WWOX: variants seen among roughly 807,000 people sequenced by gnomAD.
WWOX encodes WW domain containing oxidoreductase.
Under a neutral mutation model 46.2 loss-of-function variants are expected in WWOX, and 69 were observed. The ratio of observed to expected loss-of-function variants is 1.49; its 90% CI spans 1.23 to 1.82. The LOEUF is 1.82. Among genes scored for constraint, WWOX ranks in the 40% most tolerant of loss-of-function variants. The pLI, the probability that WWOX is intolerant of heterozygous loss-of-function variation, is 0.00. For missense variants in WWOX, 919 were observed against 542.6 expected (o/e 1.69, Z -6.89); for synonymous variants, 359 against 202.6 (o/e 1.77, Z -6.56).
chr16:78,556,693 A>G (rs2044305170), intron 8 of WWOX, among the ~76,000 whole-genome samples: 1 of 152,088 alleles, frequency 6.6e-6, no homozygotes, highest in Non-Finnish European at 1.5e-5. Context: ...TTTCCCTGAG[A>G]CCGGCAAACA....
chr16:78,454,883 A>C (rs74028004), intron 8 of WWOX, among the ~76,000 whole-genome samples: 18,293 of 152,100 alleles, frequency 0.12, 1,708 homozygotes, highest in African/African-American at 0.25. Flanking sequence ...TATTGGTTTC[A>C]CCACCCCGCT....
chr16:78,874,149 G>C (rs1471230634), intron 8 of WWOX, among the ~76,000 whole-genome samples: 1 of 151,544 alleles, frequency 6.6e-6, no homozygotes, highest in African/African-American at 2.4e-5. Flanking sequence ...CCAGCTACTC[G>C]AGTGGCTGAG....
intron 8 of WWOX, among the ~76,000 whole-genome samples, chr16:78,647,646 T>C (rs2046875197): frequency 6.6e-6 from 1 of 152,240 alleles, no homozygotes; most frequent in Non-Finnish European, 1.5e-5. Flanking sequence ...TACTGAGTGC[T>C]GACAGGCACA....
At chr16:78,301,443 G>A (rs2080039795) in intron 5 of WWOX, among the ~76,000 whole-genome samples, 1 of 151,912 alleles carries the variant, frequency 6.6e-6, no homozygotes, top group South Asian at 2.1e-4. Flanking sequence ...CTTTCATTGA[G>A]GAAACTTATT....
intron 8 of WWOX, among the ~76,000 whole-genome samples, chr16:78,905,612 T>C (rs2044942078): frequency 6.6e-6 from 1 of 152,094 alleles, no homozygotes; most frequent in Non-Finnish European, 1.5e-5. Flanking sequence ...AACTCCGAGA[T>C]GCACGTGAAT....
intron 8 of WWOX, among the ~76,000 whole-genome samples, chr16:78,682,528 A>T (rs1354402677): frequency 6.6e-6 from 1 of 152,060 alleles, no homozygotes; most frequent in Non-Finnish European, 1.5e-5. Context: ...GGCTGCAACG[A>T]CTTACGATCA....
chr16:78,186,533 G>A (rs1036960043), intron 5 of WWOX, among the ~76,000 whole-genome samples: 7 of 152,182 alleles, frequency 4.6e-5, no homozygotes, highest in African/African-American at 1.7e-4. Flanking sequence ...GGAGGCTGAG[G>A]CAGGTGGATC....
At chr16:78,406,577 C>T (rs949716376) in intron 6 of WWOX, among the ~76,000 whole-genome samples, 5 of 150,400 alleles carry the variant, frequency 3.3e-5, no homozygotes, top group Non-Finnish European at 5.9e-5. Flanking sequence ...TCTCAGTCTC[C>T]TGACCTCGTG....
At chr16:79,080,506 G>A (rs1049668887) in intron 8 of WWOX, among the ~76,000 whole-genome samples, 10 of 152,182 alleles carry the variant, frequency 6.6e-5, no homozygotes, top group Non-Finnish European at 1.0e-4. Flanking sequence ...CTCTTTGCAC[G>A]TTGCAGAAGA....
intron 8 of WWOX, among the ~76,000 whole-genome samples, chr16:79,072,974 C>T (rs1197599845): frequency 1.3e-5 from 2 of 152,092 alleles, no homozygotes; most frequent in East Asian, 1.9e-4. Context: ...AACGTCATCA[C>T]TGTTTTTAGT....
chr16:78,721,963 A>G (rs1405169009), intron 8 of WWOX, among the ~76,000 whole-genome samples: 3 of 152,392 alleles, frequency 2.0e-5, no homozygotes, highest in African/African-American at 7.2e-5. Context: ...TTGCCTATTA[A>G]GCAGCCATGT....
At chr16:78,911,267 C>G (rs1183771907) in intron 8 of WWOX, among the ~76,000 whole-genome samples, 1 of 152,004 alleles carries the variant, frequency 6.6e-6, no homozygotes, top group Non-Finnish European at 1.5e-5. Flanking sequence ...TGTTTTTTGT[C>G]ATAACTACCT....
chr16:78,873,738 G>A (rs1694111320), intron 8 of WWOX, among the ~76,000 whole-genome samples: 1 of 152,150 alleles, frequency 6.6e-6, no homozygotes. Flanking sequence ...GCAGAGAGCT[G>A]TTATTGTACC....
intron 8 of WWOX, among the ~76,000 whole-genome samples, chr16:79,160,115 C>G (rs1431655570): frequency 6.6e-6 from 1 of 152,216 alleles, no homozygotes. Context: ...TCTAAATTCA[C>G]TCGGCAAGAA....
intron 8 of WWOX, among the ~76,000 whole-genome samples, chr16:78,531,469 A>G (rs145310888): frequency 5.3e-5 from 8 of 152,294 alleles, no homozygotes; most frequent in African/African-American, 1.9e-4. Flanking sequence ...ATTATGTCAT[A>G]CCAAAAATTA....
At chr16:79,132,610 C>A (rs564475294) in intron 8 of WWOX, among the ~76,000 whole-genome samples, 82 of 152,006 alleles carry the variant, frequency 5.4e-4, no homozygotes, top group Non-Finnish European at 9.9e-4. Context: ...TCTCTTTTTC[C>A]CTCAAACATC....
At chr16:78,922,594 C>G (rs1325510956) in intron 8 of WWOX, among the ~76,000 whole-genome samples, 1 of 152,044 alleles carries the variant, frequency 6.6e-6, no homozygotes, top group Admixed American at 6.6e-5. Flanking sequence ...GCCCAGGCTG[C>G]TCTCGAGCTC....
intron 8 of WWOX, among the ~76,000 whole-genome samples, chr16:78,805,011 T>C (rs372224403): frequency 2.6e-5 from 4 of 152,258 alleles, no homozygotes; most frequent in African/African-American, 9.6e-5. Context: ...TGGGAAGCTT[T>C]GCATGAGCAA....
chr16:79,074,303 C>G (rs2048608898), intron 8 of WWOX, among the ~76,000 whole-genome samples: 1 of 151,328 alleles, frequency 6.6e-6, no homozygotes, highest in Admixed American at 6.6e-5. Context: ...GGTTGGCTGT[C>G]ACCCCCATTT....
Sources: allele counts gnomAD v4.1 joint callset (sites outside exome capture counted in the v4.1 genomes callset), GRCh38; gene constraint gnomAD v4.1.1; transcripts MANE v1.5; gene names NCBI Gene and HGNC (gene_info 2026-07-23, HGNC 2026-07-21).